Variants in SKIC3 observed in about 807,000 individuals in gnomAD.
SKIC3 encodes the protein superkiller complex protein 3.
the SKIC3 span, chr5:95,516,703 C>T: frequency 6.2e-7 from 1 of 1,613,344 alleles, no homozygotes; most frequent in East Asian, 2.2e-5. Flanking sequence ...CAAGAGCATT[C>T]CAGTATAAGT....
At chr5:95,540,133 C>T in the SKIC3 span, among the ~76,000 whole-genome samples, 119 of 152,146 alleles carry the variant, frequency 7.8e-4, no homozygotes, top group Middle Eastern at 6.8e-3. Flanking sequence ...TAATAGCATT[C>T]GCAGCAACCT....
the SKIC3 span, among the ~76,000 whole-genome samples, chr5:95,549,251 T>C: frequency 0.23 from 34,877 of 151,674 alleles, 5,045 homozygotes; most frequent in African/African-American, 0.41. Flanking sequence ...TGGGAATGAG[T>C]TGTGGCAAGT....
chr5:95,543,081 C>A, the SKIC3 span: 1 of 1,370,086 alleles, frequency 7.3e-7, no homozygotes. Context: ...TTACATGGGG[C>A]AAATGTAGGT....
the SKIC3 span, among the ~76,000 whole-genome samples, chr5:95,493,769 T>C: frequency 6.6e-6 from 1 of 151,840 alleles, no homozygotes; most frequent in African/African-American, 2.4e-5. Flanking sequence ...CTAACACATC[T>C]GAAGAGTTAA....
chr5:95,482,979 T>C, the SKIC3 span, among the ~76,000 whole-genome samples: 1 of 152,138 alleles, frequency 6.6e-6, no homozygotes, highest in South Asian at 2.1e-4. Context: ...GGGAATGCTA[T>C]CACTATTCCA....
At chr5:95,545,462 G>C in the SKIC3 span, among the ~76,000 whole-genome samples, 1 of 152,066 alleles carries the variant, frequency 6.6e-6, no homozygotes, top group East Asian at 1.9e-4. Context: ...ATTCTTCATT[G>C]TGCCCTCTGG....
At chr5:95,554,784 C>A in the SKIC3 span, 598 of 158,668 alleles carry the variant, frequency 3.8e-3, 6 homozygotes, top group Middle Eastern at 0.022. Context: ...GCCGCCACCT[C>A]ATCGCCGCCC....
At chr5:95,550,420 TTAAATC>T in the SKIC3 span, among the ~76,000 whole-genome samples, 3 of 151,494 alleles carry the variant, frequency 2.0e-5, no homozygotes, top group Admixed American at 6.6e-5. Flanking sequence ...AACGATATCT[TTAAATC>T]TAATAACAAA....
chr5:95,554,021 A>G, the SKIC3 span, among the ~76,000 whole-genome samples: 1 of 152,326 alleles, frequency 6.6e-6, no homozygotes, highest in African/African-American at 2.4e-5. Context: ...GTGTAAACTC[A>G]GGCCAGTCAT....
At chr5:95,513,684 A>G in the SKIC3 span, 1 of 1,562,128 alleles carries the variant, frequency 6.4e-7, no homozygotes, top group Admixed American at 1.7e-5. Context: ...TGTGTTTAAA[A>G]GACAGTAACA....
the SKIC3 span, chr5:95,523,426 ATT>A: frequency 7.2e-7 from 1 of 1,379,792 alleles, no homozygotes; most frequent in Non-Finnish European, 9.9e-7. Flanking sequence ...CTCACTTCTG[ATT>A]TTTTAAACTT....
the SKIC3 span, chr5:95,530,333 C>T: frequency 1.6e-6 from 2 of 1,262,488 alleles, no homozygotes; most frequent in South Asian, 1.3e-5. Flanking sequence ...CTTATGCATT[C>T]TTCACCACAT....
At chr5:95,472,951 T>A in the SKIC3 span, among the ~76,000 whole-genome samples, 5 of 152,238 alleles carry the variant, frequency 3.3e-5, no homozygotes, top group African/African-American at 1.2e-4. Context: ...GTTCTTTTTT[T>A]TATGGCTGTA....
chr5:95,483,446 G>A, the SKIC3 span, among the ~76,000 whole-genome samples: 17,234 of 152,136 alleles, frequency 0.11, 1,309 homozygotes, highest in East Asian at 0.33. Context: ...TATTCTATCA[G>A]AGGGCACATA....
the SKIC3 span, chr5:95,547,008 T>C: frequency 3.3e-6 from 5 of 1,529,840 alleles, no homozygotes; most frequent in Non-Finnish European, 3.6e-6. Flanking sequence ...AAATCAACAA[T>C]GTTTATAAAT....
chr5:95,530,762 A>G, the SKIC3 span, among the ~76,000 whole-genome samples: 75 of 152,310 alleles, frequency 4.9e-4, no homozygotes, highest in African/African-American at 1.8e-3. Flanking sequence ...TTCTAAAACT[A>G]TCTTTTTCTA....
the SKIC3 span, chr5:95,512,786 G>A: frequency 1.4e-6 from 1 of 703,278 alleles, no homozygotes; most frequent in Non-Finnish European, 2.3e-6. Context: ...ATAAAACACA[G>A]CGAAGAACAT....
At chr5:95,542,991 G>A in the SKIC3 span, among the ~76,000 whole-genome samples, 1 of 152,104 alleles carries the variant, frequency 6.6e-6, no homozygotes, top group Non-Finnish European at 1.5e-5. Context: ...ATATTAAATA[G>A]TGTTAAACAA....
chr5:95,494,527 A>G, the SKIC3 span, among the ~76,000 whole-genome samples: 1 of 152,008 alleles, frequency 6.6e-6, no homozygotes, highest in African/African-American at 2.4e-5. Flanking sequence ...AATCACCCAA[A>G]CTCCTGTTGT....
Sources: allele counts gnomAD v4.1 joint callset (sites outside exome capture counted in the v4.1 genomes callset), GRCh38; gene constraint gnomAD v4.1.1; transcripts MANE v1.5; gene names NCBI Gene and HGNC (gene_info 2026-07-23, HGNC 2026-07-21).